Variants in PRORP observed in about 807,000 individuals in gnomAD.
The protein encoded by PRORP is mitochondrial ribonuclease P catalytic subunit.
PRORP carries 51 observed loss-of-function variants against 59.4 expected under a neutral mutation model. The observed-to-expected ratio is 0.86, with a 90% CI of 0.69 to 1.08. The LOEUF (loss-of-function observed/expected upper bound fraction) is 1.08, where lower values mean the gene tolerates loss of function less well. Ranked by LOEUF, PRORP falls within the 50% of genes least tolerant of loss-of-function variation. PRORP has a pLI of 0.00. For missense variants in PRORP, 646 were observed against 690.3 expected (o/e 0.94, Z 0.72); for synonymous variants, 231 against 245.6 (o/e 0.94, Z 0.55).
At chr14:35,249,418 CAAAAAATA>C (rs1476150514) in intron 5 of PRORP, among the ~76,000 whole-genome samples, 3 of 151,842 alleles carry the variant, frequency 2.0e-5, no homozygotes, top group Non-Finnish European at 4.4e-5. Flanking sequence ...CCTATCTCTA[CAAAAAATA>C]AAAAAATAAA....
At chr14:35,148,901 G>T (rs2047673316) in intron 4 of PRORP, among the ~76,000 whole-genome samples, 1 of 145,764 alleles carries the variant, frequency 6.9e-6, no homozygotes, top group Non-Finnish European at 1.5e-5. Flanking sequence ...CCTACATGTT[G>T]CACTTTTTAA....
At chr14:35,226,415 C>T (rs2049934635) in intron 5 of PRORP, among the ~76,000 whole-genome samples, 1 of 152,166 alleles carries the variant, frequency 6.6e-6, no homozygotes, top group Admixed American at 6.6e-5. Context: ...CTACTTTTAG[C>T]TAAGGAGGGA....
At chr14:35,270,007 T>C (rs1170496769) in intron 6 of PRORP, among the ~76,000 whole-genome samples, 1 of 152,154 alleles carries the variant, frequency 6.6e-6, no homozygotes. Context: ...CATCCTGCCC[T>C]AGTAGTATTT....
intron 4 of PRORP, among the ~76,000 whole-genome samples, chr14:35,145,786 G>T (rs2047592628): frequency 7.8e-6 from 1 of 127,774 alleles, no homozygotes; most frequent in Non-Finnish European, 1.7e-5. Context: ...CATTCATTTT[G>T]AACTTTAATT....
At chr14:35,271,528 T>C (rs531699532) in intron 7 of PRORP, among the ~76,000 whole-genome samples, 17 of 152,322 alleles carry the variant, frequency 1.1e-4, no homozygotes, top group Non-Finnish European at 1.6e-4. Flanking sequence ...TTATTTCTTA[T>C]AGTTTGTTAT....
At chr14:35,243,514 T>A (rs1884716) in intron 5 of PRORP, among the ~76,000 whole-genome samples, 1 of 150,588 alleles carries the variant, frequency 6.6e-6, no homozygotes. Context: ...CCAGTCTGGG[T>A]GACAGAGTGA....
At chr14:35,180,595 AGGT>A in intron 4 of PRORP, 72 bp from the exon 5 acceptor site, 1 of 750,512 alleles carries the variant, frequency 1.3e-6, no homozygotes, top group Non-Finnish European at 2.3e-6. Flanking sequence ...ACAATAATAA[AGGT>A]CACTGCAGTG....
Position 35,124,168 on chromosome 14 carries a change from T to G in PRORP, c.923T>G (p.Leu308Arg), listed in dbSNP as rs1471448044. Residue 308 changes from leucine to arginine, a missense_variant, in exon 2 of 8, where the codon CTA becomes CGA. Leu to Arg is a moderately radical substitution (Grantham distance 102). Coordinates refer to ENST00000534898, the MANE Select transcript of PRORP (RefSeq NM_014672.4). ...AAACTACTAGATATTCTTTCATATC[T>G]AAGAAATAATCAGCTGTATCCAGGG... ...SNKLLDILSY[L>R]RNNQLYPGES... is the part of the protein sequence containing the mutation. The G allele has an allele frequency of 6.2e-7, 1 of 1,603,830 alleles. No individual in the cohort carries two copies. Among genetic ancestry groups the G allele is most frequent in the East Asian group, 2.2e-5 (1 of 44,798 alleles).
intron 5 of PRORP, chr14:35,262,425 T>C (rs2050928990): frequency 2.6e-6 from 1 of 382,020 alleles, no homozygotes; most frequent in Non-Finnish European, 5.0e-6. Context: ...TAAAAATACA[T>C]AGAATAACTT....
chr14:35,206,609 T>A (rs1265346585), intron 5 of PRORP, among the ~76,000 whole-genome samples: 1 of 152,208 alleles, frequency 6.6e-6, no homozygotes, highest in Non-Finnish European at 1.5e-5. Context: ...TGAAATCATC[T>A]TCTTCTCTAC....
intron 5 of PRORP, among the ~76,000 whole-genome samples, chr14:35,193,096 C>G (rs897205844): frequency 2.6e-5 from 4 of 151,958 alleles, no homozygotes; most frequent in Admixed American, 2.0e-4. Flanking sequence ...TGCTTTTGTT[C>G]TTTGTTCCTT....
rs1001456692 is a variant in PRORP, at chr14:35,123,005, T to G, written c.-241T>G. ...AGAGGATTCCTGCTCTGTCCCCTGG[T>G]TTGCGGCTTGCGACGTTGGACATCC... On this transcript the variant is annotated 5_prime_UTR_variant, in exon 2 of 8. Coordinates refer to ENST00000534898, the MANE Select transcript of PRORP (RefSeq NM_014672.4). 3.9e-6 allele frequency: 2 copies of G among 509,624 alleles called. No individual in the cohort carries two copies. The highest frequency in any genetic ancestry group is 3.8e-5 in the African/African-American group (2 of 52,396). 31.6% of individuals were successfully genotyped at this position (509,624 alleles called of 1,614,324 possible).
At chr14:35,174,886 TC>T (rs1423435978) in intron 4 of PRORP, among the ~76,000 whole-genome samples, 2 of 96,466 alleles carry the variant, frequency 2.1e-5, no homozygotes, top group Non-Finnish European at 4.1e-5. Context: ...GTGCTATCCC[TC>T]CCCCCTCCCC....
intron 5 of PRORP, among the ~76,000 whole-genome samples, chr14:35,255,784 T>A (rs1429032188): frequency 6.6e-6 from 1 of 152,162 alleles, no homozygotes; most frequent in African/African-American, 2.4e-5. Flanking sequence ...AAATTCTCTA[T>A]GAACAATCAT....
At chr14:35,147,185 C>T (rs1309496554) in intron 4 of PRORP, among the ~76,000 whole-genome samples, 1 of 152,064 alleles carries the variant, frequency 6.6e-6, no homozygotes, top group Admixed American at 6.5e-5. Context: ...ATATAGATAC[C>T]TTAATTTAAA....
At chr14:35,191,958 A>G (rs1199203829) in intron 5 of PRORP, among the ~76,000 whole-genome samples, 1 of 152,152 alleles carries the variant, frequency 6.6e-6, no homozygotes, top group Non-Finnish European at 1.5e-5. Flanking sequence ...AAAATATCCC[A>G]TAGTCTAGTC....
At chr14:35,257,082 C>T (rs1309419100) in intron 5 of PRORP, among the ~76,000 whole-genome samples, 1 of 151,896 alleles carries the variant, frequency 6.6e-6, no homozygotes, top group East Asian at 1.9e-4. Context: ...ACCATGTTAA[C>T]CAGGCTGGTC....
At chr14:35,149,853 G>GT (rs1275378568) in intron 4 of PRORP, among the ~76,000 whole-genome samples, 9 of 152,124 alleles carry the variant, frequency 5.9e-5, no homozygotes, top group African/African-American at 2.2e-4. Context: ...GTTTTGTTTT[G>GT]TTTTTTAAGG....
chr14:35,160,517 A>G (rs2138945969), intron 4 of PRORP, among the ~76,000 whole-genome samples: 1 of 151,940 alleles, frequency 6.6e-6, no homozygotes, highest in East Asian at 1.9e-4. Flanking sequence ...TGCCCAAACT[A>G]TTTTCTTTTT....
Sources: allele counts gnomAD v4.1 joint callset (sites outside exome capture counted in the v4.1 genomes callset), GRCh38; gene constraint gnomAD v4.1.1; transcripts MANE v1.5; gene names NCBI Gene and HGNC (gene_info 2026-07-23, HGNC 2026-07-21).